The following HDLBP variants were observed in gnomAD, a reference collection of about 807,000 sequenced individuals.
HDLBP encodes high density lipoprotein binding protein, also known as vigilin.
HDLBP carries 30 observed loss-of-function variants against 137.3 expected under a neutral mutation model. That is an observed-to-expected ratio of 0.22 (90% CI 0.16 to 0.30). The LOEUF is 0.30. Among genes scored for constraint, HDLBP ranks in the 10% least tolerant of loss-of-function variants. The probability of loss-of-function intolerance (pLI) is 1.00; values close to 1 mark genes in which losing one functional copy is unlikely to be tolerated. For synonymous variants in HDLBP, 606 were observed against 596.0 expected (o/e 1.02, Z -0.24); for missense variants, 1,119 against 1,667.3 (o/e 0.67, Z 5.73).
intron 1 of HDLBP, among the ~76,000 whole-genome samples, chr2:241,295,766 C>A (rs2075153962): frequency 6.6e-6 from 1 of 152,086 alleles, no homozygotes; most frequent in Non-Finnish European, 1.5e-5. Context: ...CTAAATGCCA[C>A]CCGTGACAGA....
At chr2:241,294,370 G>A (rs944472152) in intron 1 of HDLBP, among the ~76,000 whole-genome samples, 1 of 152,106 alleles carries the variant, frequency 6.6e-6, no homozygotes, top group Non-Finnish European at 1.5e-5. Context: ...AAGGAAAATC[G>A]GCATTGTTTT....
At position 241,229,025 on chromosome 2, in the gene HDLBP, G is replaced by A. The variant is rs145584288; in HGVS notation, c.*576C>T. On this transcript the variant is annotated 3_prime_UTR_variant, in exon 28 of 28. Coordinates refer to ENST00000310931, the MANE Select transcript of HDLBP (RefSeq NM_005336.6). ...ACTGCCTGAGAACCCGTCACCCTCT[G>A]CCTCTCAGGTCACCCCCCAGCTCCA... The A allele has an allele frequency of 6.4e-6, 1 of 155,360 alleles. No homozygotes were observed. The highest frequency in any genetic ancestry group is 1.9e-4 in the East Asian group (1 of 5,188). The allele number at this position is 155,360 out of a possible 1,614,324, so 9.6% of individuals were successfully genotyped here. A position where few individuals can be genotyped will look rare whatever the true frequency, so the allele number is the denominator to read the frequency against.
intron 1 of HDLBP, among the ~76,000 whole-genome samples, chr2:241,309,918 C>T (rs1291497484): frequency 2.0e-5 from 3 of 152,210 alleles, no homozygotes; most frequent in Non-Finnish European, 4.4e-5. Flanking sequence ...GACAAGGGTG[C>T]TGTAAGGAAA....
chr2:241,273,318 T>A, intron 1 of HDLBP: 2 of 834,500 alleles, frequency 2.4e-6, no homozygotes, highest in Non-Finnish European at 2.9e-6. Flanking sequence ...TTATAAACTA[T>A]CCCCACCCGA....
intron 2 of HDLBP, chr2:241,267,500 GC>G (rs1345030764): frequency 1.4e-6 from 2 of 1,388,714 alleles, no homozygotes; most frequent in African/African-American, 2.9e-5. Flanking sequence ...CCTGACCCAG[GC>G]TCCAGGCATA....
At position 241,248,000 on chromosome 2, in the gene HDLBP, T is replaced by G. The variant is rs754390045; in HGVS notation, c.1731+3A>C. On this transcript the variant is annotated splice_donor_region_variant and intron_variant, in intron 14 of 27. Coordinates refer to ENST00000310931, the MANE Select transcript of HDLBP (RefSeq NM_005336.6). ...TACAAGAAAGGATGTGAAACACCCCTACCAGATCTGCCACCATCTTCTGCA... is the reference window on the plus strand; with the variant it reads ...TACAAGAAAGGATGTGAAACACCCCGACCAGATCTGCCACCATCTTCTGCA... 1 of 1,604,326 alleles carries G rather than the reference T, an allele frequency of 6.2e-7. No individual in the cohort carries two copies. Among genetic ancestry groups the G allele is most frequent in the East Asian group, 2.2e-5 (1 of 44,826 alleles).
Position 241,247,103 on chromosome 2 carries a change from G to A in HDLBP, c.1771C>T (p.Gln591Ter). Residue 591 changes from glutamine (Q) to a stop codon, truncating the protein, a stop_gained, in exon 15 of 28, where the codon CAG becomes TAG. Coordinates refer to ENST00000310931, the MANE Select transcript of HDLBP (RefSeq NM_005336.6). LOFTEE classifies it high-confidence loss of function. ...SYSISVPIFKQFHKNIIGKGG... is the reference protein window; with the variant it reads ...SYSISVPIFK ...TTCCCAATGATATTCTTGTGAAACT[G>A]TTTGAAGATCGGAACAGAAATTGAA... The A allele has an allele frequency of 6.2e-7, 1 of 1,613,506 alleles. No homozygotes were observed. Among genetic ancestry groups the A allele is most frequent in the Non-Finnish European group, 8.5e-7 (1 of 1,179,416 alleles).
intron 23 of HDLBP, among the ~76,000 whole-genome samples, chr2:241,234,171 AAGG>A (rs1404037460): frequency 6.6e-6 from 1 of 152,200 alleles, no homozygotes; most frequent in Non-Finnish European, 1.5e-5. Flanking sequence ...GCTGCTCCAC[AAGG>A]AGGTCTATAA....
At chr2:241,291,122 C>T (rs1008816069) in intron 1 of HDLBP, among the ~76,000 whole-genome samples, 27 of 152,148 alleles carry the variant, frequency 1.8e-4, no homozygotes, top group East Asian at 1.2e-3. Flanking sequence ...GCTTAAGCAT[C>T]GTCGGCTACT....
intron 1 of HDLBP, among the ~76,000 whole-genome samples, chr2:241,278,818 A>C (rs144301346): frequency 1.3e-5 from 2 of 152,230 alleles, no homozygotes; most frequent in Admixed American, 6.5e-5. Context: ...AAATAAAACC[A>C]ATACACACAA....
At chr2:241,284,514 C>G (rs1487718977) in intron 1 of HDLBP, among the ~76,000 whole-genome samples, 1 of 152,166 alleles carries the variant, frequency 6.6e-6, no homozygotes, top group Non-Finnish European at 1.5e-5. Context: ...GAAGTAGATG[C>G]TGAATGAAGA....
chr2:241,232,003 T>G (rs1030406750), intron 24 of HDLBP, among the ~76,000 whole-genome samples: 2 of 151,902 alleles, frequency 1.3e-5, no homozygotes, highest in African/African-American at 4.8e-5. Context: ...GGAAAGGAAA[T>G]GAGCAGAAAG....
At chr2:241,286,222 G>A (rs1022089302) in intron 1 of HDLBP, among the ~76,000 whole-genome samples, 12 of 152,242 alleles carry the variant, frequency 7.9e-5, no homozygotes, top group African/African-American at 2.9e-4. Context: ...GGGAGGTTGA[G>A]GTGGGTAGAT....
At chr2:241,305,908 C>T (rs2075553311) in intron 1 of HDLBP, among the ~76,000 whole-genome samples, 1 of 151,598 alleles carries the variant, frequency 6.6e-6, no homozygotes, top group South Asian at 2.1e-4. Context: ...CTACAGGCAT[C>T]CGCCACCATG....
intron 4 of HDLBP, 91 bp downstream of exon 4, chr2:241,264,357 G>A: frequency 4.6e-6 from 4 of 868,644 alleles, no homozygotes; most frequent in Middle Eastern, 3.8e-4. Context: ...GCGGGACTCT[G>A]TCTCAAAAAA....
chr2:241,267,685 T>TA, intron 2 of HDLBP: 1 of 1,535,598 alleles, frequency 6.5e-7, no homozygotes, highest in South Asian at 1.2e-5. Flanking sequence ...AATCTCGACT[T>TA]AACCAGGTGG....
chr2:241,275,713 A>G (rs745971414), intron 1 of HDLBP, among the ~76,000 whole-genome samples: 8 of 152,204 alleles, frequency 5.3e-5, no homozygotes, highest in Admixed American at 2.6e-4. Flanking sequence ...GGTTACTCAT[A>G]AAGAATACTA....
At chr2:241,249,391 T>C (rs895298848) in intron 12 of HDLBP, 9 of 473,026 alleles carry the variant, frequency 1.9e-5, no homozygotes, top group African/African-American at 1.2e-4. Flanking sequence ...GGCATAAGCA[T>C]GTATGAAACG....
rs1356384288 is a variant in HDLBP, at chr2:241,233,572, A to G, written c.3288+248T>C. ...AAGGACCCAGCTGGAGCTCCTGCTC[A>G]TTTTCTGGAAGGAGACGCAGGAGAA... On this transcript the variant is annotated intron_variant, in intron 24 of 27. Transcript: ENST00000310931. This position sits in a 1 kb window ranked among gnomAD's most constrained non-coding sequence, Gnocchi z 4.3. Among the ~76,000 whole-genome samples the G allele has an allele frequency of 1.3e-5, 2 of 152,058 alleles. No individual in the cohort carries two copies. The highest frequency in any genetic ancestry group is 6.5e-5 in the Admixed American group (1 of 15,274).
Sources: gnomAD v4.1 joint callset for allele counts (sites outside exome capture counted in the v4.1 genomes callset) on GRCh38, gnomAD v4.1.1 for gene constraint, Gnocchi (gnomAD v3.1) non-coding constraint, MANE v1.5 for transcripts, NCBI Gene and HGNC (gene_info 2026-07-23, HGNC 2026-07-21) for gene names.